Variants in HERC3 observed in about 807,000 individuals in gnomAD.
The protein encoded by HERC3 is probable E3 ubiquitin-protein ligase HERC3.
A neutral mutation model predicts 129.9 loss-of-function variants in HERC3; 58 were observed. The ratio of observed to expected loss-of-function variants is 0.45; its 90% CI spans 0.36 to 0.56. The LOEUF (loss-of-function observed/expected upper bound fraction) is 0.56. HERC3 is among the 20% of genes least tolerant of loss of function. The pLI, the probability that HERC3 is intolerant of heterozygous loss-of-function variation, is 0.00. For synonymous variants in HERC3, 430 were observed against 451.0 expected (o/e 0.95, Z 0.59); for missense variants, 835 against 1,244.2 (o/e 0.67, Z 4.95).
chr4:88,592,425 T>C (rs1721777485), upstream of HERC3: 1 of 152,284 alleles, frequency 6.6e-6, no homozygotes, highest in East Asian at 1.9e-4. Flanking sequence ...ATTGGCCCGG[T>C]GCGAAGCCAT....
upstream of HERC3, among the ~76,000 whole-genome samples, chr4:88,587,450 T>A (rs1351210880): frequency 6.6e-6 from 1 of 152,224 alleles, no homozygotes; most frequent in Non-Finnish European, 1.5e-5. Context: ...ACAATTCACA[T>A]ACCATGTAAT....
intron 23 of HERC3, chr4:88,697,856 G>C: frequency 6.8e-7 from 1 of 1,468,060 alleles, no homozygotes; most frequent in Non-Finnish European, 9.1e-7. Context: ...GCGGTGACGT[G>C]CGGCCGCGGG....
chr4:88,671,218 T>A (rs878960550), intron 16 of HERC3, among the ~76,000 whole-genome samples: 2 of 152,110 alleles, frequency 1.3e-5, no homozygotes, highest in South Asian at 4.1e-4. Flanking sequence ...GAAAACAGAA[T>A]GATAATTTGG....
chr4:88,557,552 T>C, the HERC3 span, among the ~76,000 whole-genome samples: 1 of 152,240 alleles, frequency 6.6e-6, no homozygotes, highest in Non-Finnish European at 1.5e-5. Flanking sequence ...TGTATATATG[T>C]ATATAAATAT....
intron 23 of HERC3, among the ~76,000 whole-genome samples, chr4:88,692,452 G>A (rs901476329): frequency 3.3e-5 from 5 of 152,050 alleles, no homozygotes; most frequent in African/African-American, 9.7e-5. Flanking sequence ...TCTAGATTCC[G>A]TAGTGAGAAC....
chr4:88,670,061 G>A (rs1198929005), intron 15 of HERC3, 38 bp downstream of exon 15: 1 of 1,607,182 alleles, frequency 6.2e-7, no homozygotes, highest in South Asian at 1.1e-5. Flanking sequence ...GGGGTGATTA[G>A]ATGGTAGGGT....
chr4:88,553,263 C>T, the HERC3 span, among the ~76,000 whole-genome samples: 1 of 152,142 alleles, frequency 6.6e-6, no homozygotes, highest in South Asian at 2.1e-4. Flanking sequence ...TTCTTGAACT[C>T]CTGCATCTAA....
At chr4:88,639,064 A>G (rs1034944611) in intron 3 of HERC3, among the ~76,000 whole-genome samples, 4 of 152,204 alleles carry the variant, frequency 2.6e-5, no homozygotes, top group Non-Finnish European at 4.4e-5. Flanking sequence ...AAGGAGAACT[A>G]CAAACCACTT....
At chr4:88,571,075 A>G in the HERC3 span, among the ~76,000 whole-genome samples, 1 of 151,836 alleles carries the variant, frequency 6.6e-6, no homozygotes, top group African/African-American at 2.4e-5. Context: ...TTACTTTTTT[A>G]GAGATGGGGT....
intron 23 of HERC3, chr4:88,693,656 G>A: frequency 3.1e-6 from 3 of 982,564 alleles, no homozygotes; most frequent in Non-Finnish European, 3.6e-6. Context: ...AATAAAGTGT[G>A]TACATGTGTG....
intron 25 of HERC3, among the ~76,000 whole-genome samples, chr4:88,704,949 C>CT (rs2149352437): frequency 6.6e-6 from 1 of 151,342 alleles, no homozygotes; most frequent in East Asian, 1.9e-4. Flanking sequence ...CAACCTCCGC[C>CT]TCCTGGATTC....
chr4:88,551,111 T>G, the HERC3 span, among the ~76,000 whole-genome samples: 2 of 150,634 alleles, frequency 1.3e-5, no homozygotes, highest in African/African-American at 4.9e-5. Flanking sequence ...GATCCCTTCC[T>G]TACACCTTAT....
chr4:88,687,876 A>C (rs1733646022), intron 23 of HERC3, among the ~76,000 whole-genome samples: 1 of 152,214 alleles, frequency 6.6e-6, no homozygotes, highest in South Asian at 2.1e-4. Flanking sequence ...ATAATCTCTG[A>C]GTTAACTCTT....
the HERC3 span, among the ~76,000 whole-genome samples, chr4:88,560,625 T>C: frequency 6.6e-6 from 1 of 152,210 alleles, no homozygotes; most frequent in African/African-American, 2.4e-5. Flanking sequence ...TTTTGTTGCC[T>C]GAGCTTTTGG....
chr4:88,619,132 G>C (rs1725238890), intron 3 of HERC3, among the ~76,000 whole-genome samples: 1 of 152,190 alleles, frequency 6.6e-6, no homozygotes, highest in African/African-American at 2.4e-5. Flanking sequence ...ATCCTGGCGA[G>C]GTAGAGCCAC....
chr4:88,645,855 G>A (rs967818083), intron 3 of HERC3, among the ~76,000 whole-genome samples: 1 of 152,132 alleles, frequency 6.6e-6, no homozygotes, highest in Non-Finnish European at 1.5e-5. Flanking sequence ...CAGATAAGGG[G>A]GAACTACTGT....
intron 3 of HERC3, among the ~76,000 whole-genome samples, chr4:88,626,580 A>G (rs1560691049): frequency 6.6e-6 from 1 of 152,162 alleles, no homozygotes; most frequent in Non-Finnish European, 1.5e-5. Context: ...TTATTTGTGG[A>G]GACATTTTAT....
chr4:88,704,927 C>G (rs1428014165), intron 25 of HERC3, among the ~76,000 whole-genome samples: 2 of 147,660 alleles, frequency 1.4e-5, no homozygotes, highest in Non-Finnish European at 3.0e-5. Flanking sequence ...GTGGCGTGAT[C>G]TCAGCTCACT....
rs550457250 is a variant in HERC3, at chr4:88,697,726, G to A, written c.2658-6372G>A. 11 of 1,610,800 alleles carry A rather than the reference G, an allele frequency of 6.8e-6. No homozygotes were observed. Among genetic ancestry groups the A allele is most frequent in the Admixed American group, 1.7e-5 (1 of 59,878 alleles). On this transcript the variant is annotated intron_variant, in intron 23 of 25. Coordinates refer to ENST00000402738, the MANE Select transcript of HERC3 (RefSeq NM_014606.3). ...CGCTGCCGCCGCCTGGCTAGGCTCC[G>A]CAGGCCCCTGGTTTTCCGAGTCGGC...
Sources: allele counts gnomAD v4.1 joint callset (sites outside exome capture counted in the v4.1 genomes callset), GRCh38; gene constraint gnomAD v4.1.1; transcripts MANE v1.5; gene names NCBI Gene and HGNC (gene_info 2026-07-23, HGNC 2026-07-21).